Variants in G3BP2 observed in about 807,000 individuals in gnomAD.
G3BP2 encodes the protein ras GTPase-activating protein-binding protein 2.
Under a neutral mutation model 56.7 loss-of-function variants are expected in G3BP2, and 11 were observed. The ratio of observed to expected loss-of-function variants is 0.19; its 90% CI spans 0.12 to 0.32. The LOEUF is 0.32. G3BP2 is among the 10% of genes least tolerant of loss of function. The pLI is 1.00. For synonymous variants in G3BP2, 165 were observed against 191.6 expected (o/e 0.86, Z 1.15); for missense variants, 340 against 610.9 (o/e 0.56, Z 4.67).
At chr4:75,690,688 C>T (rs534544681) in intron 3 of G3BP2, among the ~76,000 whole-genome samples, 1 of 152,248 alleles carries the variant, frequency 6.6e-6, no homozygotes, top group South Asian at 2.1e-4. Flanking sequence ...CCTCCCACCT[C>T]AGCCTCTCGA....
chr4:75,716,560 G>A (rs2149116250), intron 3 of G3BP2, among the ~76,000 whole-genome samples: 1 of 151,822 alleles, frequency 6.6e-6, no homozygotes, highest in Non-Finnish European at 1.5e-5. Context: ...TTGTCACCCA[G>A]GCTGGAGTGC....
intron 3 of G3BP2, among the ~76,000 whole-genome samples, chr4:75,712,535 C>A (rs1719797245): frequency 6.6e-6 from 1 of 152,088 alleles, no homozygotes; most frequent in Admixed American, 6.6e-5. Flanking sequence ...TTTTACAGTT[C>A]CCTCTGTCAA....
intron 3 of G3BP2, among the ~76,000 whole-genome samples, chr4:75,687,046 A>G (rs1299591925): frequency 6.6e-6 from 1 of 152,126 alleles, no homozygotes; most frequent in Non-Finnish European, 1.5e-5. Context: ...TAGCCAACAT[A>G]GCAAGACCCC....
chr4:75,677,963 T>G (rs1289532639), upstream of G3BP2, among the ~76,000 whole-genome samples: 1 of 151,944 alleles, frequency 6.6e-6, no homozygotes, highest in Non-Finnish European at 1.5e-5. Flanking sequence ...ATTGAGGGAG[T>G]TCATTAGTCT....
At chr4:75,718,126 C>T (rs1458328361) in intron 3 of G3BP2, among the ~76,000 whole-genome samples, 1 of 138,674 alleles carries the variant, frequency 7.2e-6, no homozygotes, top group Non-Finnish European at 1.5e-5. Flanking sequence ...CAGAATGAGA[C>T]TCCGTCGCAA....
chr4:75,643,495 T>C lies in G3BP2; in HGVS notation c.*1935A>G, dbSNP rs1019482136. On this transcript the variant is annotated 3_prime_UTR_variant, in exon 12 of 12. Transcript: ENST00000359707. ...TTTCAAACAGAAAAAAAAAAAATCC[T>C]TAAGCCCCCCAAAAATGGAAACTAT... 14 of 151,042 alleles carry C rather than the reference T, an allele frequency of 9.3e-5. No individual in the cohort carries two copies. Among genetic ancestry groups the C allele is most frequent in the African/African-American group, 2.9e-4 (12 of 41,066 alleles). The allele number at this position is 151,042 out of a possible 1,614,324, so 9.4% of individuals were successfully genotyped here. A position where few individuals can be genotyped will look rare whatever the true frequency, so the allele number is the denominator to read the frequency against.
chr4:75,696,553 G>T (rs781747617), intron 3 of G3BP2, among the ~76,000 whole-genome samples: 1 of 152,318 alleles, frequency 6.6e-6, no homozygotes, highest in East Asian at 1.9e-4. Flanking sequence ...GGGTCACTGC[G>T]CATCAGGCTG....
At chr4:75,719,712 C>A (rs1377060490) in intron 3 of G3BP2, among the ~76,000 whole-genome samples, 1 of 152,012 alleles carries the variant, frequency 6.6e-6, no homozygotes, top group East Asian at 1.9e-4. Flanking sequence ...GCCTCAGCCT[C>A]CCGAGTAGCT....
At chr4:75,671,469 A>AATTC (rs1733481312) in intron 1 of G3BP2, among the ~76,000 whole-genome samples, 1 of 152,230 alleles carries the variant, frequency 6.6e-6, no homozygotes, top group South Asian at 2.1e-4. Context: ...CTGCTAACTG[A>AATTC]ACAGTTAAGT....
chr4:75,711,283 C>T (rs996240989), intron 3 of G3BP2, among the ~76,000 whole-genome samples: 46 of 150,630 alleles, frequency 3.1e-4, no homozygotes, highest in Non-Finnish European at 3.5e-4. Context: ...TGTGCCACTG[C>T]ACTCCAGCCT....
chr4:75,657,165 T>C, intron 4 of G3BP2, 151 bp from the exon 5 acceptor site: 1 of 525,742 alleles, frequency 1.9e-6, no homozygotes, highest in South Asian at 2.9e-5. Context: ...GATGTTTATA[T>C]AAAATAAAAA....
At chr4:75,663,500 T>A (rs1372894024) in intron 1 of G3BP2, among the ~76,000 whole-genome samples, 1 of 152,178 alleles carries the variant, frequency 6.6e-6, no homozygotes, top group Non-Finnish European at 1.5e-5. Flanking sequence ...GGTCTCGAAC[T>A]CCTGGCCTCA....
At chr4:75,682,287 C>T (rs926326328) in intron 3 of G3BP2, among the ~76,000 whole-genome samples, 103 of 151,788 alleles carry the variant, frequency 6.8e-4, no homozygotes, top group African/African-American at 2.2e-3. Flanking sequence ...TGGTGGCACA[C>T]GCCTGTAGTC....
At chr4:75,663,495 C>T (rs965211427) in intron 1 of G3BP2, among the ~76,000 whole-genome samples, 1 of 152,130 alleles carries the variant, frequency 6.6e-6, no homozygotes, top group Admixed American at 6.6e-5. Flanking sequence ...TGACTGGTCT[C>T]GAACTCCTGG....
rs537556291 is a variant in G3BP2 at position 75,657,486 on chromosome 4, G to A, written c.351+71C>T. 1,192 of 1,146,086 alleles carry A rather than the reference G, an allele frequency of 1.0e-3. 2 individuals carry two copies. The highest frequency in any genetic ancestry group is 1.3e-3 in the Non-Finnish European group (1,034 of 802,842). The allele number at this position is 1,146,086 out of a possible 1,614,324, so 71.0% of individuals were successfully genotyped here. ...ACAATATGCAAATCTAAACCTATTA[G>A]AAGAAACCTCTGGACACTTCAACCA... On this transcript the variant is annotated intron_variant, in intron 4 of 11. Transcript: ENST00000359707.
intron 3 of G3BP2, among the ~76,000 whole-genome samples, chr4:75,718,505 G>A (rs988010334): frequency 1.3e-5 from 2 of 152,122 alleles, no homozygotes; most frequent in Admixed American, 1.3e-4. Flanking sequence ...AAGTACGTTA[G>A]GGGATACAGT....
intron 8 of G3BP2, among the ~76,000 whole-genome samples, chr4:75,651,662 C>G (rs985266768): frequency 3.9e-5 from 6 of 152,204 alleles, no homozygotes; most frequent in African/African-American, 1.4e-4. Context: ...GAACAGATAA[C>G]ATGGCCAATA....
Position 75,653,599 on chromosome 4 carries a change from A to C in G3BP2, c.825+384T>G, listed in dbSNP as rs942784179. Among the ~76,000 whole-genome samples the C allele has an allele frequency of 2.8e-4, 43 of 151,076 alleles. No individual in the cohort carries two copies. In the East Asian group the frequency reaches 6.6e-3, roughly 23 times the overall value. ...TTTTTTTTTTTGCTTTAAAAAAAAA[A>C]AAAAAAACAAAAACGATTCTTTATT... On this transcript the variant is annotated intron_variant, in intron 8 of 11. Coordinates refer to ENST00000359707, the MANE Select transcript of G3BP2 (RefSeq NM_203505.3).
intron 3 of G3BP2, among the ~76,000 whole-genome samples, chr4:75,679,651 G>C (rs1318319424): frequency 1.3e-5 from 2 of 152,218 alleles, no homozygotes; most frequent in Non-Finnish European, 2.9e-5. Context: ...ACCTGAGTTT[G>C]AGAGAACAAA....
Sources: gnomAD v4.1 joint callset for allele counts (sites outside exome capture counted in the v4.1 genomes callset) on GRCh38, gnomAD v4.1.1 for gene constraint, MANE v1.5 for transcripts, NCBI Gene and HGNC (gene_info 2026-07-23, HGNC 2026-07-21) for gene names.